The following UNC5D variants were observed in gnomAD, a reference collection of about 807,000 sequenced individuals.
UNC5D encodes the protein unc-5 netrin receptor D, also known as netrin receptor UNC5D.
UNC5D carries 39 observed loss-of-function variants against 105.4 expected under a neutral mutation model. The observed-to-expected ratio is 0.37, with a 90% confidence interval of 0.29 to 0.48. The LOEUF (loss-of-function observed/expected upper bound fraction) is 0.48, where lower values mean the gene tolerates loss of function less well. Ranked by LOEUF, UNC5D falls within the 20% of genes least tolerant of loss-of-function variation. UNC5D has a pLI of 0.98. For missense variants in UNC5D, 991 were observed against 1,202.4 expected (o/e 0.82, Z 2.60); for synonymous variants, 452 against 450.4 (o/e 1.00, Z -0.04).
At chr8:35,400,793 G>A (rs1314131200) in intron 1 of UNC5D, among the ~76,000 whole-genome samples, 2 of 152,130 alleles carry the variant, frequency 1.3e-5, no homozygotes, top group African/African-American at 4.8e-5. Flanking sequence ...AGCTCCACTG[G>A]TGGGGAACAG....
intron 1 of UNC5D, among the ~76,000 whole-genome samples, chr8:35,335,740 GAAATGAGAGATTGCAATTTTT>G (rs1810973883): frequency 2.1e-5 from 3 of 144,138 alleles, no homozygotes; most frequent in African/African-American, 7.7e-5. Flanking sequence ...AGGATAGAAT[GAAATGAGAGATTGCAATTTTT>G]TTTTTTTTTT....
chr8:35,395,974 T>G (rs1804071302), intron 1 of UNC5D, among the ~76,000 whole-genome samples: 1 of 152,192 alleles, frequency 6.6e-6, no homozygotes, highest in African/African-American at 2.4e-5. Context: ...ATATGGTGAC[T>G]TTATCTCTCT....
chr8:35,303,370 G>T (rs1808103105), intron 1 of UNC5D, among the ~76,000 whole-genome samples: 1 of 151,966 alleles, frequency 6.6e-6, no homozygotes. Context: ...GTATAATTCA[G>T]CTTCCCAGTC....
At chr8:35,456,086 A>G (rs564321466) in intron 1 of UNC5D, among the ~76,000 whole-genome samples, 1 of 152,312 alleles carries the variant, frequency 6.6e-6, no homozygotes, top group South Asian at 2.1e-4. Context: ...CCTAATTCAG[A>G]TAATTTTTAA....
At chr8:35,387,668 G>A (rs1056285402) in intron 1 of UNC5D, among the ~76,000 whole-genome samples, 12 of 152,292 alleles carry the variant, frequency 7.9e-5, no homozygotes, top group Non-Finnish European at 1.3e-4. Flanking sequence ...GTGCAACGTT[G>A]AACAAGTTCC....
intron 1 of UNC5D, among the ~76,000 whole-genome samples, chr8:35,543,875 T>C (rs1815451261): frequency 6.6e-6 from 1 of 152,214 alleles, no homozygotes; most frequent in South Asian, 2.1e-4. Flanking sequence ...GACTCACAGA[T>C]AATGTGTGTT....
intron 1 of UNC5D, among the ~76,000 whole-genome samples, chr8:35,435,895 T>A (rs1199067260): frequency 2.6e-5 from 4 of 152,050 alleles, no homozygotes; most frequent in Admixed American, 2.0e-4. Context: ...CAAAATTATG[T>A]TGCAGGGTTA....
At chr8:35,422,928 C>T (rs1374248155) in intron 1 of UNC5D, among the ~76,000 whole-genome samples, 2 of 152,162 alleles carry the variant, frequency 1.3e-5, no homozygotes, top group African/African-American at 2.4e-5. Flanking sequence ...ATTGGAGGCT[C>T]TCAAATGCCC....
rs150919388 is a variant in UNC5D, at chr8:35,282,783, T to G, written c.103+46896T>G. ...TTCTTGTTATCCCATCCTGGAATAA[T>G]AATATTCATCAGCTAACGGAAAGTC... On this transcript the variant is annotated intron_variant, in intron 1 of 16. Coordinates refer to ENST00000404895, the MANE Select transcript of UNC5D (RefSeq NM_080872.4). Among the ~76,000 whole-genome samples, 7 of 150,550 alleles carry G rather than the reference T, an allele frequency of 4.6e-5. No homozygotes were observed. In the East Asian group the frequency reaches 1.4e-3, roughly 30 times the overall value.
At chr8:35,723,506 G>A (rs1375354725) in intron 9 of UNC5D, among the ~76,000 whole-genome samples, 1 of 152,146 alleles carries the variant, frequency 6.6e-6, no homozygotes, top group Non-Finnish European at 1.5e-5. Context: ...ATGGGCTTAA[G>A]TGATCCTCCC....
intron 4 of UNC5D, among the ~76,000 whole-genome samples, chr8:35,669,658 C>T (rs143932060): frequency 1.9e-4 from 29 of 152,178 alleles, no homozygotes; most frequent in South Asian, 1.2e-3. Flanking sequence ...CCCCATCCCA[C>T]GTGTTCTATA....
intron 1 of UNC5D, among the ~76,000 whole-genome samples, chr8:35,346,496 A>T (rs1811814010): frequency 6.6e-6 from 1 of 151,992 alleles, no homozygotes; most frequent in Non-Finnish European, 1.5e-5. Context: ...GTTAATTGTC[A>T]AAAGAAAATG....
At chr8:35,423,554 A>C (rs1301502589) in intron 1 of UNC5D, among the ~76,000 whole-genome samples, 1 of 152,180 alleles carries the variant, frequency 6.6e-6, no homozygotes, top group Non-Finnish European at 1.5e-5. Context: ...ATTTCCTCAG[A>C]TTTTCAGTGT....
rs550973230 is a variant in UNC5D, at chr8:35,321,490, A to G, written c.103+85603A>G. On this transcript the variant is annotated intron_variant, in intron 1 of 16. Transcript: ENST00000404895. ...TATTCCTTCTGCTGCCTTGTGGAGG[A>G]GGTGTCTTGCTTCCCCTTTGCCTTC... is the stretch of plus-strand genomic sequence containing the variant. 9.9e-5 allele frequency among the ~76,000 whole-genome samples: 15 copies of G among 152,094 alleles called. No homozygotes were observed. In the East Asian group the frequency reaches 2.3e-3, roughly 24 times the overall value.
intron 1 of UNC5D, among the ~76,000 whole-genome samples, chr8:35,487,718 ATATAGG>A (rs1345996892): frequency 6.6e-6 from 1 of 152,174 alleles, no homozygotes; most frequent in African/African-American, 2.4e-5. Flanking sequence ...TGAGTGAGGG[ATATAGG>A]TAGAAAGAGT....
intron 4 of UNC5D, among the ~76,000 whole-genome samples, chr8:35,677,775 C>CATATAT (rs60257801): frequency 4.7e-5 from 7 of 149,554 alleles, no homozygotes; most frequent in African/African-American, 1.7e-4. Context: ...AGTATACCAG[C>CATATAT]ATATATATAT....
intron 1 of UNC5D, among the ~76,000 whole-genome samples, chr8:35,507,913 TA>T (rs897869540): frequency 1.3e-5 from 2 of 152,064 alleles, no homozygotes; most frequent in Non-Finnish European, 2.9e-5. Context: ...AATTAAAAAT[TA>T]TTTTTTTAAA....
intron 1 of UNC5D, among the ~76,000 whole-genome samples, chr8:35,318,369 A>T (rs1349551025): frequency 2.0e-5 from 3 of 152,114 alleles, no homozygotes; most frequent in Non-Finnish European, 2.9e-5. Context: ...GCAGCAAAAA[A>T]AAGTGAGAAC....
intron 6 of UNC5D, 136 bp downstream of exon 6, chr8:35,684,885 T>C (rs1825903315): frequency 2.6e-6 from 3 of 1,167,724 alleles, no homozygotes; most frequent in East Asian, 2.7e-5. Flanking sequence ...TCCAAGGTGC[T>C]AATGTAAAGC....
Sources: gnomAD v4.1 joint callset for allele counts (sites outside exome capture counted in the v4.1 genomes callset) on GRCh38, gnomAD v4.1.1 for gene constraint, MANE v1.5 for transcripts, NCBI Gene and HGNC (gene_info 2026-07-23, HGNC 2026-07-21) for gene names.